LTBP1: variants seen among roughly 807,000 people sequenced by gnomAD.
The protein encoded by LTBP1 is latent transforming growth factor beta binding protein 1.
A neutral mutation model predicts 207.6 loss-of-function variants in LTBP1; 129 were observed. That is an observed-to-expected ratio of 0.62 (90% CI 0.54 to 0.72). The LOEUF is 0.72. LTBP1 is among the 30% of genes least tolerant of loss of function. The pLI is 0.00. For synonymous variants in LTBP1, 963 were observed against 833.7 expected (o/e 1.16, Z -2.67); for missense variants, 2,281 against 2,217.2 (o/e 1.03, Z -0.58).
intron 9 of LTBP1, among the ~76,000 whole-genome samples, chr2:33,229,045 T>C (rs1050401497): frequency 1.3e-5 from 2 of 152,130 alleles, no homozygotes; most frequent in African/African-American, 2.4e-5. Context: ...CCTTTACCAA[T>C]TATATATTTG....
intron 2 of LTBP1, among the ~76,000 whole-genome samples, chr2:32,953,126 T>C (rs1228877970): frequency 1.3e-5 from 2 of 152,196 alleles, no homozygotes; most frequent in Non-Finnish European, 2.9e-5. Context: ...CCATGCTACT[T>C]TTGGGGAAAA....
intron 12 of LTBP1, 29 bp downstream of exon 12, chr2:33,257,540 A>G (rs2092898005): frequency 6.4e-7 from 1 of 1,560,012 alleles, no homozygotes; most frequent in Non-Finnish European, 8.8e-7. Context: ...CATGGACTCT[A>G]GACATCTATC....
At chr2:33,374,498 A>C (rs1371273373) in intron 31 of LTBP1, among the ~76,000 whole-genome samples, 2 of 152,220 alleles carry the variant, frequency 1.3e-5, no homozygotes, top group African/African-American at 4.8e-5. Flanking sequence ...TCAAACTAGA[A>C]AGATACAAAA....
intron 2 of LTBP1, among the ~76,000 whole-genome samples, chr2:32,971,636 A>ATAAAGCCTACT (rs1474135125): frequency 6.6e-6 from 1 of 152,206 alleles, no homozygotes; most frequent in Non-Finnish European, 1.5e-5. Context: ...CATCCCAGCG[A>ATAAAGCCTACT]TAAAGCCTAC....
chr2:33,140,542 A>G (rs2082559243), intron 5 of LTBP1, among the ~76,000 whole-genome samples: 4 of 152,226 alleles, frequency 2.6e-5, no homozygotes, highest in Admixed American at 2.0e-4. Context: ...TAGAATGCCT[A>G]AGAACTTATC....
chr2:33,161,850 AT>A (rs1264787079), intron 5 of LTBP1, among the ~76,000 whole-genome samples: 2 of 152,230 alleles, frequency 1.3e-5, no homozygotes, highest in African/African-American at 4.8e-5. Flanking sequence ...ATTATGAATC[AT>A]TTGGTTAGTG....
chr2:33,236,394 C>A (rs1005293123), intron 9 of LTBP1, among the ~76,000 whole-genome samples: 4 of 152,156 alleles, frequency 2.6e-5, no homozygotes, highest in African/African-American at 9.7e-5. Flanking sequence ...GCTGCACTTT[C>A]TAGTTTAAAT....
chr2:33,103,016 CTG>C (rs1247571308), intron 3 of LTBP1, among the ~76,000 whole-genome samples: 1 of 151,774 alleles, frequency 6.6e-6, no homozygotes, highest in Non-Finnish European at 1.5e-5. Context: ...AGTCTGTATG[CTG>C]TATGCATTGT....
intron 3 of LTBP1, among the ~76,000 whole-genome samples, chr2:33,048,242 C>G (rs1298359715): frequency 6.6e-6 from 1 of 152,164 alleles, no homozygotes; most frequent in Non-Finnish European, 1.5e-5. Flanking sequence ...TTATTTAGTA[C>G]AAGGAGCTGT....
Position 33,197,435 on chromosome 2 carries a change from C to T in LTBP1, c.1701+8584C>T, listed in dbSNP as rs2088686477. Reference sequence around the variant, plus strand: ...TCAGGGTAATCTCATTTTTCACAGGCTTCAAACCCGAACATTTCTGTGGTA... The same window carrying T: ...TCAGGGTAATCTCATTTTTCACAGGTTTCAAACCCGAACATTTCTGTGGTA... On this transcript the variant is annotated intron_variant, in intron 7 of 33. Transcript: ENST00000404816. Among the ~76,000 whole-genome samples the T allele has an allele frequency of 3.3e-5, 5 of 152,284 alleles. No homozygotes were observed. The South Asian group carries it at 1.0e-3, about 32-fold the overall frequency.
chr2:33,248,179 A>G (rs2092570339), intron 10 of LTBP1, among the ~76,000 whole-genome samples: 2 of 152,324 alleles, frequency 1.3e-5, no homozygotes, highest in South Asian at 4.1e-4. Flanking sequence ...AATTACAGTA[A>G]ACAAAAACCA....
intron 2 of LTBP1, among the ~76,000 whole-genome samples, chr2:32,975,267 C>G (rs1035292525): frequency 6.6e-6 from 1 of 152,122 alleles, no homozygotes; most frequent in Non-Finnish European, 1.5e-5. Flanking sequence ...GTGGAGTTCC[C>G]TTTGTAGGTG....
At chr2:33,116,858 G>C (rs1323089886) in intron 4 of LTBP1, among the ~76,000 whole-genome samples, 1 of 151,114 alleles carries the variant, frequency 6.6e-6, no homozygotes, top group Non-Finnish European at 1.5e-5. Flanking sequence ...AACCTTTTTT[G>C]TTTAAATAAG....
intron 3 of LTBP1, among the ~76,000 whole-genome samples, chr2:33,049,777 C>A (rs1158912042): frequency 6.6e-6 from 1 of 151,894 alleles, no homozygotes; most frequent in Admixed American, 6.6e-5. Flanking sequence ...TTCTCTAATC[C>A]TGGTATAGAA....
At chr2:32,949,344 G>C (rs1194417534) in intron 2 of LTBP1, among the ~76,000 whole-genome samples, 1 of 152,148 alleles carries the variant, frequency 6.6e-6, no homozygotes, top group African/African-American at 2.4e-5. Flanking sequence ...GGCTTGGGGA[G>C]TAGAGGGCCC....
intron 18 of LTBP1, among the ~76,000 whole-genome samples, chr2:33,276,619 A>T (rs1277522772): frequency 6.6e-6 from 1 of 152,112 alleles, no homozygotes; most frequent in Non-Finnish European, 1.5e-5. Flanking sequence ...GGGAGGTTGA[A>T]GCGGGTGGAT....
At chr2:33,187,410 C>G (rs1041393528) in intron 6 of LTBP1, among the ~76,000 whole-genome samples, 1 of 152,134 alleles carries the variant, frequency 6.6e-6, no homozygotes, top group Non-Finnish European at 1.5e-5. Flanking sequence ...AGACAGTGTT[C>G]TGGCCCTTAC....
At chr2:33,145,465 A>G (rs74328841) in intron 5 of LTBP1, among the ~76,000 whole-genome samples, 5,119 of 152,332 alleles carry the variant, frequency 0.034, 146 homozygotes, top group Middle Eastern at 0.14. Context: ...AGTTTACTAC[A>G]GTGAGGAAAG....
At chr2:33,242,006 C>T (rs971940300) in intron 9 of LTBP1, among the ~76,000 whole-genome samples, 3 of 152,168 alleles carry the variant, frequency 2.0e-5, no homozygotes, top group African/African-American at 7.2e-5. Flanking sequence ...CAGCTACGTG[C>T]AAGTTGGAAC....
Sources: allele counts gnomAD v4.1 joint callset (sites outside exome capture counted in the v4.1 genomes callset), GRCh38; gene constraint gnomAD v4.1.1; transcripts MANE v1.5; gene names NCBI Gene and HGNC (gene_info 2026-07-23, HGNC 2026-07-21).